ABCC5: variants seen among roughly 807,000 people sequenced by gnomAD.
The protein encoded by ABCC5 is ATP-binding cassette sub-family C member 5.
A neutral mutation model predicts 160.9 loss-of-function variants in ABCC5; 61 were observed. That is an observed-to-expected ratio of 0.38 (90% CI 0.31 to 0.47). The LOEUF is 0.47. ABCC5 is among the 20% of genes least tolerant of loss of function. The pLI is 0.99. For missense variants in ABCC5, 1,308 were observed against 1,813.3 expected, an observed-to-expected ratio of 0.72 and a Z score of 5.06; for synonymous variants, 666 against 700.6, an observed-to-expected ratio of 0.95 and a Z score of 0.78.
At chr3:183,978,016 G>A (rs569323207) in intron 9 of ABCC5, among the ~76,000 whole-genome samples, 6 of 152,052 alleles carry the variant, frequency 3.9e-5, no homozygotes, top group Non-Finnish European at 7.3e-5. Flanking sequence ...GCCTCCCAAA[G>A]TGCTGGGATT....
At chr3:183,955,131 A>G (rs1204077869) in intron 17 of ABCC5, among the ~76,000 whole-genome samples, 1 of 152,170 alleles carries the variant, frequency 6.6e-6, no homozygotes, top group Non-Finnish European at 1.5e-5. Flanking sequence ...AATGTCTCCT[A>G]TCAAAGGTGT....
intron 17 of ABCC5, among the ~76,000 whole-genome samples, chr3:183,954,049 C>A (rs1322780056): frequency 1.3e-5 from 2 of 152,194 alleles, no homozygotes; most frequent in Non-Finnish European, 2.9e-5. Flanking sequence ...GTGTTCCACA[C>A]AAATAGCCTT....
At chr3:183,948,646 C>T (rs1049559519) in intron 22 of ABCC5, among the ~76,000 whole-genome samples, 1 of 152,108 alleles carries the variant, frequency 6.6e-6, no homozygotes, top group African/African-American at 2.4e-5. Context: ...CCAGTTCTCC[C>T]TTCCAGTGGC....
intron 15 of ABCC5, among the ~76,000 whole-genome samples, chr3:183,962,012 A>C (rs751005604): frequency 1.3e-5 from 2 of 152,092 alleles, no homozygotes; most frequent in African/African-American, 2.4e-5. Flanking sequence ...TCGGCCTCCC[A>C]AAGTGCTGGG....
intron 8 of ABCC5, among the ~76,000 whole-genome samples, 162 bp downstream of exon 8, chr3:183,981,565 T>A (rs1189699415): frequency 6.6e-6 from 1 of 152,252 alleles, no homozygotes; most frequent in Non-Finnish European, 1.5e-5. Context: ...TTCAAACCTC[T>A]AAGATCCCTT....
chr3:184,005,598 AAG>A (rs1031406873), intron 2 of ABCC5, among the ~76,000 whole-genome samples: 3 of 148,306 alleles, frequency 2.0e-5, no homozygotes, highest in Admixed American at 2.0e-4. Flanking sequence ...TTTTGACTAA[AAG>A]AGAGGGAAAA....
intron 26 of ABCC5, among the ~76,000 whole-genome samples, chr3:183,934,089 T>C (rs1200758967): frequency 2.0e-5 from 3 of 152,188 alleles, no homozygotes; most frequent in Non-Finnish European, 2.9e-5. Flanking sequence ...GCAGATCACC[T>C]GAGGTCAGGA....
At chr3:183,983,573 C>T (rs1718932993) in intron 5 of ABCC5, 1 of 223,884 alleles carries the variant, frequency 4.5e-6, no homozygotes, top group Non-Finnish European at 7.5e-6. Context: ...CGCCCCACTC[C>T]CGACTCCCTC....
At chr3:183,923,101 G>T (rs372187420) in intron 29 of ABCC5, among the ~76,000 whole-genome samples, 1 of 151,980 alleles carries the variant, frequency 6.6e-6, no homozygotes, top group South Asian at 2.1e-4. Context: ...TACAATGCTC[G>T]TCTCTGGGGG....
intron 29 of ABCC5, 146 bp downstream of exon 29, chr3:183,925,409 A>G: frequency 1.4e-6 from 1 of 710,220 alleles, no homozygotes; most frequent in Non-Finnish European, 2.2e-6. Flanking sequence ...CGGAGGCTGT[A>G]TCCCTCCCAA....
intron 2 of ABCC5, chr3:184,001,123 C>T (rs1172927895): frequency 1.4e-5 from 6 of 416,342 alleles, no homozygotes; most frequent in Admixed American, 4.2e-5. Context: ...CATGGTGGCA[C>T]GAGATTGTAG....
chr3:183,969,666 T>C (rs1577559550), intron 11 of ABCC5, among the ~76,000 whole-genome samples: 2 of 136,212 alleles, frequency 1.5e-5, no homozygotes, highest in Admixed American at 1.6e-4. Context: ...CACTCTAGCC[T>C]GGGCAACAGA....
Position 183,931,423 on chromosome 3 carries a change from G to A in ABCC5, c.3855-2598C>T, listed in dbSNP as rs191651995. Among the ~76,000 whole-genome samples the A allele has an allele frequency of 3.2e-4, 47 of 147,586 alleles. No individual in the cohort carries two copies. In the East Asian group the frequency reaches 9.0e-3, roughly 28 times the overall value. On this transcript the variant is annotated intron_variant, in intron 26 of 29. Coordinates refer to ENST00000334444, the MANE Select transcript of ABCC5 (RefSeq NM_005688.4). ...CTCACTGCAACCCCTGCCCTGCCCC[G>A]CCAGGTTCAAGCAATTCTCATGCCT... is the stretch of plus-strand genomic sequence containing the variant.
chr3:183,982,008 G>C lies in ABCC5; in HGVS notation c.1000-134C>G. The C allele has an allele frequency of 1.1e-6, 1 of 906,820 alleles. No individual in the cohort carries two copies. Among genetic ancestry groups the C allele is most frequent in the Admixed American group, 3.4e-5 (1 of 29,272 alleles). The allele number at this position is 906,820 out of a possible 1,614,324, so 56.2% of individuals were successfully genotyped here. A position where few individuals can be genotyped will look rare whatever the true frequency, so the allele number is the denominator to read the frequency against. On this transcript the variant is annotated intron_variant, in intron 7 of 29. Coordinates refer to ENST00000334444, the MANE Select transcript of ABCC5 (RefSeq NM_005688.4). The surrounding 1 kb of genome is among the most constrained non-coding windows in gnomAD (Gnocchi z 5.2). ...AGGATGGGCCAAATGTTATGTAATC[G>C]TACTGTCTTTAATAAAAGTGACCTA...
Position 183,987,327 on chromosome 3 carries a change from T to C in ABCC5, c.591+443A>G. Reference sequence around the variant, plus strand: ...AAAATCCTCGACAGTCCTCTAGTTTTCTCAGGGCTTATTTGCCACAGACCT... The same window carrying C: ...AAAATCCTCGACAGTCCTCTAGTTTCCTCAGGGCTTATTTGCCACAGACCT... On this transcript the variant is annotated intron_variant, in intron 5 of 29. Transcript: ENST00000334444. The surrounding 1 kb of genome is among the most constrained non-coding windows in gnomAD (Gnocchi z 4.2). The C allele has an allele frequency of 5.8e-6, 2 of 342,046 alleles. No individual in the cohort carries two copies. Among genetic ancestry groups the C allele is most frequent in the South Asian group, 9.1e-5 (2 of 21,922 alleles). 21.2% of individuals were successfully genotyped at this position (342,046 alleles called of 1,614,324 possible). A position where few individuals can be genotyped will look rare whatever the true frequency, so the allele number is the denominator to read the frequency against.
At chr3:184,001,839 A>T (rs978101154) in intron 2 of ABCC5, among the ~76,000 whole-genome samples, 1 of 152,270 alleles carries the variant, frequency 6.6e-6, no homozygotes, top group African/African-American at 2.4e-5. Flanking sequence ...GAGGGGACCC[A>T]TTTCTCTTAA....
At chr3:183,966,499 G>C (rs1259915175) in intron 12 of ABCC5, among the ~76,000 whole-genome samples, 1 of 152,224 alleles carries the variant, frequency 6.6e-6, no homozygotes, top group Non-Finnish European at 1.5e-5. Context: ...AGCCTGACTT[G>C]GTTTTCAACC....
rs745975917 is a variant in ABCC5 at position 183,953,238 on chromosome 3, C to T, written c.2515G>A (p.Gly839Ser). The change falls in exon 18 of 30, where the codon GGT (glycine) becomes AGT (serine). Residue 839 changes from glycine (G) to serine (S), a missense_variant. By Grantham distance (56) the Gly-to-Ser change is moderately conservative. Coordinates refer to ENST00000334444, the MANE Select transcript of ABCC5 (RefSeq NM_005688.4). ...CCATATACTGACCAGGGCACTGAAC[C>T]CTGCCCTTTCTCTTCCAGCTGCACA... ...QLVQLEEKGQ[G>S]SVPWSVYGVY... 1 of 1,612,106 alleles carries T rather than the reference C, an allele frequency of 6.2e-7. No individual in the cohort carries two copies. Among genetic ancestry groups the T allele is most frequent in the South Asian group, 1.1e-5 (1 of 90,824 alleles).
At chr3:184,012,326 C>T (rs980614426) in intron 2 of ABCC5, among the ~76,000 whole-genome samples, 1 of 151,940 alleles carries the variant, frequency 6.6e-6, no homozygotes, top group South Asian at 2.1e-4. Flanking sequence ...AGAATTTCAC[C>T]CGACCTATAA....
Sources: gnomAD v4.1 joint callset for allele counts (sites outside exome capture counted in the v4.1 genomes callset) on GRCh38, gnomAD v4.1.1 for gene constraint, Gnocchi (gnomAD v3.1) non-coding constraint, MANE v1.5 for transcripts, NCBI Gene and HGNC (gene_info 2026-07-23, HGNC 2026-07-21) for gene names.